Variants in NEDD9 observed in about 807,000 individuals in gnomAD.
The protein encoded by NEDD9 is enhancer of filamentation 1.
A neutral mutation model predicts 76.6 loss-of-function variants in NEDD9; 26 were observed. The ratio of observed to expected loss-of-function variants is 0.34; its 90% confidence interval spans 0.25 to 0.47. The LOEUF (loss-of-function observed/expected upper bound fraction) is 0.47, where lower values mean the gene tolerates loss of function less well. NEDD9 is among the 20% of genes least tolerant of loss of function. The probability of loss-of-function intolerance (pLI) is 1.00; values close to 1 mark genes in which losing one functional copy is unlikely to be tolerated. For missense variants in NEDD9, 937 were observed against 1,058.5 expected (o/e 0.89, Z 1.59); for synonymous variants, 392 against 414.2 (o/e 0.95, Z 0.65).
chr6:11,361,079 A>G (rs1366001857), intron 1 of NEDD9, among the ~76,000 whole-genome samples: 13 of 152,222 alleles, frequency 8.5e-5, no homozygotes, highest in Non-Finnish European at 1.5e-5. Flanking sequence ...TTATTCAAAA[A>G]GTGAAATAGT....
intron 2 of NEDD9, chr6:11,201,105 A>G (rs1355025993): frequency 6.2e-7 from 1 of 1,602,088 alleles, no homozygotes; most frequent in African/African-American, 1.3e-5. Context: ...CACTTGTTCA[A>G]GGTCTCAGCA....
intron 1 of NEDD9, among the ~76,000 whole-genome samples, chr6:11,227,071 CAA>C (rs1323862131): frequency 6.6e-6 from 1 of 152,040 alleles, no homozygotes; most frequent in Admixed American, 6.6e-5. Context: ...CTTCTATGAG[CAA>C]AGTCTTGTAA....
intron 1 of NEDD9, among the ~76,000 whole-genome samples, chr6:11,215,792 T>C (rs1270943958): frequency 1.3e-5 from 2 of 152,122 alleles, no homozygotes; most frequent in African/African-American, 2.4e-5. Flanking sequence ...GCTGTGCAAT[T>C]ATACTGGCTA....
chr6:11,246,105 G>A (rs1405231109), intron 3 of NEDD9, among the ~76,000 whole-genome samples: 3 of 152,170 alleles, frequency 2.0e-5, no homozygotes, highest in African/African-American at 7.2e-5. Flanking sequence ...CAGTCATACT[G>A]AGCTATACTG....
In NEDD9 at chr6:11,191,889, C is replaced by T. The variant is rs150652609; in HGVS notation, c.663+456G>A. On this transcript the variant is annotated intron_variant, in intron 4 of 6. Transcript: ENST00000379446. ...TCATGGTGGCGTGCACCTGTGGTCC[C>T]AGCTACTTGGGAGCCTGAGGTGGGA... Among the ~76,000 whole-genome samples the T allele has an allele frequency of 1.2e-3, 181 of 152,218 alleles. 3 individuals are homozygous for T. The highest frequency in any genetic ancestry group is 0.011 in the Admixed American group (163 of 15,300).
At chr6:11,329,844 C>A (rs1330515828) in intron 2 of NEDD9, among the ~76,000 whole-genome samples, 1 of 152,160 alleles carries the variant, frequency 6.6e-6, no homozygotes, top group Admixed American at 6.5e-5. Context: ...AGGACATCCC[C>A]ACCCCCAACA....
At chr6:11,232,329 A>G (rs1759496393) in intron 1 of NEDD9, among the ~76,000 whole-genome samples, 175 bp downstream of exon 1, 1 of 151,220 alleles carries the variant, frequency 6.6e-6, no homozygotes, top group Non-Finnish European at 1.5e-5. Flanking sequence ...GTGGGTCTCA[A>G]AGACCGGGTC....
upstream of NEDD9, among the ~76,000 whole-genome samples, chr6:11,233,003 C>G (rs1297154662): frequency 6.6e-6 from 1 of 152,138 alleles, no homozygotes; most frequent in African/African-American, 2.4e-5. Context: ...GACAGTCGCG[C>G]TTCCTGTGAC....
intron 2 of NEDD9, among the ~76,000 whole-genome samples, chr6:11,320,729 TC>T (rs890772513): frequency 6.6e-6 from 1 of 152,168 alleles, no homozygotes; most frequent in African/African-American, 2.4e-5. Context: ...ATGTACAAGG[TC>T]TTTACGTTTG....
Position 11,185,260 on chromosome 6 carries a change from T to C in NEDD9, c.2407A>G (p.Ser803Gly). ...ACCATTTCCTGCAGGGCCGTGGTGC[T>C]GGGGTAATGGAGGGCGGCCATCTTG... ...ATKMAALHYPSTTALQEMVHQ... is the reference protein window; with the variant it reads ...ATKMAALHYPGTTALQEMVHQ... The change falls in exon 7 of 7, where the codon AGC becomes GGC. Residue 803 changes from serine (S) to glycine (G), a missense_variant. Physicochemically the swap from Ser to Gly is moderately conservative, Grantham distance 56. Coordinates refer to ENST00000379446, the MANE Select transcript of NEDD9 (RefSeq NM_006403.4). 1 of 1,614,110 alleles carries C rather than the reference T, an allele frequency of 6.2e-7. No individual in the cohort carries two copies. Among genetic ancestry groups the C allele is most frequent in the South Asian group, 1.1e-5 (1 of 91,082 alleles).
intron 1 of NEDD9, among the ~76,000 whole-genome samples, chr6:11,227,480 C>T (rs1759338962): frequency 6.7e-6 from 1 of 148,340 alleles, no homozygotes; most frequent in South Asian, 2.1e-4. Flanking sequence ...GCTTAACTTG[C>T]CTAAGGTCCA....
intron 3 of NEDD9, among the ~76,000 whole-genome samples, chr6:11,284,780 T>G: frequency 1.3e-5 from 2 of 150,250 alleles, no homozygotes; most frequent in South Asian, 4.2e-4. Context: ...TGATTGCTAA[T>G]ATTTATATAT....
intron 1 of NEDD9, among the ~76,000 whole-genome samples, chr6:11,356,234 G>T (rs990468264): frequency 2.6e-5 from 4 of 152,112 alleles, no homozygotes; most frequent in African/African-American, 9.7e-5. Flanking sequence ...TGGGGCAAAT[G>T]GCTCTTATAG....
chr6:11,195,458 G>GT (rs58470402), intron 2 of NEDD9, among the ~76,000 whole-genome samples: 121 of 147,912 alleles, frequency 8.2e-4, no homozygotes, highest in East Asian at 3.6e-3. Context: ...TTATATGATT[G>GT]TTTTTTTTTT....
chr6:11,315,036 C>T lies in NEDD9; in HGVS notation c.-152-8881G>A, dbSNP rs562239511. ...CCTAGGGGAATGGAGACTGATCTAG[C>T]TCTGTCTCCCTGATGGTTCTGCCTT... On this transcript the variant is annotated intron_variant, in intron 2 of 3. Transcript: ENST00000397378. Among the ~76,000 whole-genome samples the T allele has an allele frequency of 7.9e-5, 12 of 152,328 alleles. No homozygotes were observed. In the South Asian group the frequency reaches 2.5e-3, roughly 32 times the overall value.
intron 2 of NEDD9, among the ~76,000 whole-genome samples, chr6:11,308,519 G>A (rs1329484655): frequency 1.3e-5 from 2 of 151,674 alleles, no homozygotes; most frequent in East Asian, 1.9e-4. Context: ...ACAGGCGCCC[G>A]CCACTACGCT....
intron 2 of NEDD9, among the ~76,000 whole-genome samples, chr6:11,204,901 G>C (rs1446704128): frequency 1.3e-5 from 2 of 152,014 alleles, no homozygotes; most frequent in African/African-American, 4.8e-5. Flanking sequence ...CAGCTAGGTG[G>C]GGGGAACTTC....
intron 3 of NEDD9, among the ~76,000 whole-genome samples, chr6:11,299,098 T>C (rs573922310): frequency 1.3e-5 from 2 of 152,280 alleles, no homozygotes; most frequent in South Asian, 2.1e-4. Flanking sequence ...AGGGAAGCCA[T>C]GACAGACTGT....
chr6:11,302,816 C>T (rs9394011), intron 3 of NEDD9, among the ~76,000 whole-genome samples: 67,981 of 151,974 alleles, frequency 0.45, 15,601 homozygotes, highest in East Asian at 0.7. Context: ...AATTCAACAG[C>T]GCTTCATGCT....
Sources: gnomAD v4.1 joint callset for allele counts (sites outside exome capture counted in the v4.1 genomes callset) on GRCh38, gnomAD v4.1.1 for gene constraint, MANE v1.5 for transcripts, NCBI Gene and HGNC (gene_info 2026-07-23, HGNC 2026-07-21) for gene names.